The following HAS3 variants were observed in gnomAD, a reference collection of about 807,000 sequenced individuals.
The protein encoded by HAS3 is hyaluronan synthase 3.
Under a neutral mutation model 50.3 loss-of-function variants are expected in HAS3, and 27 were observed. The observed-to-expected ratio is 0.54, with a 90% CI of 0.40 to 0.74. HAS3 has a LOEUF of 0.74. HAS3 is among the 30% of genes least tolerant of loss of function. The pLI is 0.00. For missense variants in HAS3, 517 were observed against 742.8 expected (o/e 0.70, Z 3.53); for synonymous variants, 339 against 310.9 (o/e 1.09, Z -0.95).
At chr16:69,108,264 GC>G (rs1413346365) in intron 1 of HAS3, among the ~76,000 whole-genome samples, 1 of 152,122 alleles carries the variant, frequency 6.6e-6, no homozygotes, top group African/African-American at 2.4e-5. Flanking sequence ...GCTCTTCGGG[GC>G]CGGAAGTGTT....
In HAS3 at chr16:69,115,097, C is replaced by T; in HGVS notation, c.1493C>T (p.Thr498Ile). ...GTTCTCCTGGGAGGGCTGGCCTACA[C>T]AGCTTATTGCCAGGACCTGTTCAGT... Reference protein sequence around the residue: ...VAVLLGGLAYTAYCQDLFSET... With the variant: ...VAVLLGGLAYIAYCQDLFSET... Residue 498 changes from threonine to isoleucine, a missense_variant, in exon 4 of 4, where the codon ACA becomes ATA. Thr to Ile is a moderately conservative substitution (Grantham distance 89). Transcript: ENST00000569188. 1.2e-6 allele frequency: 2 copies of T among 1,612,710 alleles called. No individual in the cohort carries two copies. Among genetic ancestry groups the T allele is most frequent in the Non-Finnish European group, 1.7e-6 (2 of 1,179,190 alleles).
the HAS3 span, among the ~76,000 whole-genome samples, chr16:69,085,543 G>A: frequency 5.3e-5 from 8 of 151,658 alleles, no homozygotes; most frequent in Non-Finnish European, 1.0e-4. Flanking sequence ...GGGATTACAG[G>A]TATGTGCCAT....
At chr16:69,085,106 C>T in the HAS3 span, 1 of 152,324 alleles carries the variant, frequency 6.6e-6, no homozygotes, top group Non-Finnish European at 1.5e-5. Flanking sequence ...GGCATTGTGG[C>T]TTTCAAATCT....
the HAS3 span, among the ~76,000 whole-genome samples, chr16:69,097,280 T>G: frequency 4.6e-5 from 7 of 151,788 alleles, no homozygotes; most frequent in African/African-American, 9.7e-5. Flanking sequence ...TTCAAGACCA[T>G]CCTGGCCAAG....
chr16:69,102,581 G>A (rs1415145760), upstream of HAS3, among the ~76,000 whole-genome samples: 3 of 152,198 alleles, frequency 2.0e-5, no homozygotes, highest in African/African-American at 4.8e-5. Flanking sequence ...AAAAAAGAGA[G>A]TGCTCCCTAG....
chr16:69,096,870 G>A, the HAS3 span, among the ~76,000 whole-genome samples: 1 of 151,734 alleles, frequency 6.6e-6, no homozygotes, highest in African/African-American at 2.4e-5. Flanking sequence ...GCCCACCTCA[G>A]CCTCCCAAAG....
At chr16:69,083,568 T>C in the HAS3 span, 6 of 1,608,786 alleles carry the variant, frequency 3.7e-6, no homozygotes, top group Admixed American at 1.0e-4. Context: ...CCAAGCTCCA[T>C]GCCCAGTTGG....
chr16:69,109,900 G>A lies in HAS3; in HGVS notation c.505G>A (p.Glu169Lys). The A allele has an allele frequency of 6.2e-7, 1 of 1,614,030 alleles. No individual in the cohort carries two copies. Residue 169 changes from glutamate to lysine, a missense_variant, in exon 2 of 4, where the codon GAG becomes AAG. Coordinates refer to ENST00000569188, the MANE Select transcript of HAS3 (RefSeq NM_001199280.2). This position sits in a 1 kb window ranked among gnomAD's most constrained non-coding sequence, Gnocchi z 5.3. Reference sequence around the variant, plus strand: ...GGGTGAGACGGAGGCCAGCCTGCAGGAGGGCATGGACCGTGTGCGGGATGT... The same window carrying A: ...GGGTGAGACGGAGGCCAGCCTGCAGAAGGGCATGGACCGTGTGCGGGATGT... ...GEGETEASLQ[E>K]GMDRVRDVVR...
chr16:69,094,262 C>G, the HAS3 span, among the ~76,000 whole-genome samples: 12 of 152,290 alleles, frequency 7.9e-5, no homozygotes, highest in East Asian at 2.3e-3. Flanking sequence ...TATTATCACA[C>G]ACACAGGTAG....
chr16:69,112,106 CTCT>C (rs1961023613), intron 2 of HAS3, among the ~76,000 whole-genome samples: 1 of 152,256 alleles, frequency 6.6e-6, no homozygotes, highest in Non-Finnish European at 1.5e-5. Flanking sequence ...AGCACGAGAG[CTCT>C]TCTTTCCCTA....
rs1429202462 is a variant in HAS3 at position 69,115,902 on chromosome 16, A to T, written c.*636A>T. On this transcript the variant is annotated 3_prime_UTR_variant, in exon 4 of 4. Coordinates refer to ENST00000569188, the MANE Select transcript of HAS3 (RefSeq NM_001199280.2). ...CAAACCAGCAGGGAGTTAGCACTGA[A>T]CTGCTTTTAAAAGTGCACATTAAAA... The T allele has an allele frequency of 4.1e-6, 4 of 985,728 alleles. No individual in the cohort carries two copies. In the African/African-American group the frequency reaches 7.0e-5, roughly 17 times the overall value. 61.1% of individuals were successfully genotyped at this position (985,728 alleles called of 1,614,324 possible).
At chr16:69,086,641 A>C in the HAS3 span, among the ~76,000 whole-genome samples, 1 of 152,062 alleles carries the variant, frequency 6.6e-6, no homozygotes, top group African/African-American at 2.4e-5. Context: ...ACAGTGGCTT[A>C]CGCCTGTAAT....
At chr16:69,099,463 G>A in the HAS3 span, among the ~76,000 whole-genome samples, 1 of 151,910 alleles carries the variant, frequency 6.6e-6, no homozygotes, top group Non-Finnish European at 1.5e-5. Context: ...GAGTAGCTGG[G>A]ACTACAGGTG....
chr16:69,083,846 C>T, the HAS3 span: 2 of 589,258 alleles, frequency 3.4e-6, no homozygotes, highest in South Asian at 2.2e-5. Context: ...TCAGCACTCC[C>T]GCGTTCAGCC....
rs1960771607 is a variant in HAS3 at position 69,105,738 on chromosome 16, T to G, written c.-50T>G. ...GCCCCCTAGACAGCGAACTGCCCCT[T>G]CGCGTGCAGAAGTCGGGGAAGAGTG... On this transcript the variant is annotated 5_prime_UTR_variant, in exon 1 of 4. Transcript: ENST00000569188. The G allele has an allele frequency of 6.6e-6, 1 of 152,198 alleles. No individual in the cohort carries two copies. Among genetic ancestry groups the G allele is most frequent in the Non-Finnish European group, 1.5e-5 (1 of 68,038 alleles). 9.4% of individuals were successfully genotyped at this position (152,198 alleles called of 1,614,324 possible). A position where few individuals can be genotyped will look rare whatever the true frequency, so the allele number is the denominator to read the frequency against.
In HAS3 at chr16:69,114,951, C is replaced by G. The variant is rs1407119538; in HGVS notation, c.1347C>G (p.Ser449Arg). The part of the protein sequence containing the change: ...MSLYSLLYMS[S>R]LLPAKIFAIA... ...TCTACTCCCTCCTCTATATGTCCAG[C>G]CTTCTGCCGGCCAAGATCTTTGCCA... The change falls in exon 4 of 4, where the codon AGC becomes AGG. Residue 449 changes from serine (S) to arginine (R), a missense_variant. Transcript: ENST00000569188. The surrounding 1 kb of genome is among the most constrained non-coding windows in gnomAD (Gnocchi z 6.4). 3.7e-6 allele frequency: 6 copies of G among 1,614,134 alleles called. No homozygotes were observed. Among genetic ancestry groups the G allele is most frequent in the East Asian group, 2.2e-5 (1 of 44,870 alleles).
upstream of HAS3, among the ~76,000 whole-genome samples, chr16:69,100,930 T>C (rs962549274): frequency 6.6e-6 from 1 of 152,094 alleles, no homozygotes; most frequent in African/African-American, 2.4e-5. Context: ...CATTTAGGAT[T>C]ATTCCTTGTC....
upstream of HAS3, among the ~76,000 whole-genome samples, chr16:69,102,812 A>G (rs767046852): frequency 6.6e-6 from 1 of 152,214 alleles, no homozygotes; most frequent in Non-Finnish European, 1.5e-5. Context: ...CTAACTAGGC[A>G]TGAGATGGTC....
chr16:69,084,827 C>T, the HAS3 span: 1 of 152,306 alleles, frequency 6.6e-6, no homozygotes, highest in African/African-American at 2.4e-5. Context: ...TCCAAAAGCT[C>T]GAGTGACTGA....
Sources: allele counts gnomAD v4.1 joint callset (sites outside exome capture counted in the v4.1 genomes callset), GRCh38; gene constraint gnomAD v4.1.1; non-coding constraint Gnocchi (gnomAD v3.1); transcripts MANE v1.5; gene names NCBI Gene and HGNC (gene_info 2026-07-23, HGNC 2026-07-21).